The following CMSS1 variants were observed in gnomAD, a reference collection of about 807,000 sequenced individuals.
The protein encoded by CMSS1 is protein CMSS1.
In CMSS1, 33 loss-of-function variants were observed where a neutral mutation model predicts 43.5. That is an observed-to-expected ratio of 0.76 (90% confidence interval 0.57 to 1.01). CMSS1 has a LOEUF of 1.01. CMSS1 is among the 50% of genes least tolerant of loss of function. The pLI, the probability that CMSS1 is intolerant of heterozygous loss-of-function variation, is 0.00. For synonymous variants in CMSS1, 115 were observed against 117.2 expected (o/e 0.98, Z 0.12); for missense variants, 313 against 326.4 (o/e 0.96, Z 0.32).
chr3:100,099,323 G>A (rs926292601), intron 1 of CMSS1, among the ~76,000 whole-genome samples: 2 of 152,064 alleles, frequency 1.3e-5, no homozygotes, highest in African/African-American at 4.8e-5. Flanking sequence ...ACCCTTTAAA[G>A]CACAGAGATG....
intron 1 of CMSS1, among the ~76,000 whole-genome samples, chr3:99,948,702 AAGGG>A (rs1451761386): frequency 3.3e-5 from 5 of 150,044 alleles, no homozygotes; most frequent in African/African-American, 1.2e-4. Flanking sequence ...AGGAGAGAGA[AAGGG>A]AGAGGAAGGG....
At chr3:100,121,597 A>T (rs1008524550) in intron 1 of CMSS1, among the ~76,000 whole-genome samples, 2 of 152,128 alleles carry the variant, frequency 1.3e-5, no homozygotes, top group African/African-American at 4.8e-5. Flanking sequence ...ATAAACATAC[A>T]TGTGTGTATG....
intron 1 of CMSS1, among the ~76,000 whole-genome samples, chr3:99,981,596 G>C (rs906525206): frequency 5.9e-5 from 9 of 152,126 alleles, no homozygotes; most frequent in Non-Finnish European, 1.2e-4. Flanking sequence ...ATTTAATGCA[G>C]ATTTAATGTA....
intron 1 of CMSS1, among the ~76,000 whole-genome samples, chr3:100,043,276 A>T (rs1276659233): frequency 6.6e-6 from 1 of 152,206 alleles, no homozygotes; most frequent in Non-Finnish European, 1.5e-5. Context: ...TATGCAGAAA[A>T]TCATGTCCAG....
At chr3:99,961,191 T>C (rs1336162819) in intron 1 of CMSS1, among the ~76,000 whole-genome samples, 1 of 152,186 alleles carries the variant, frequency 6.6e-6, no homozygotes, top group Non-Finnish European at 1.5e-5. Context: ...TCTTCCAGGA[T>C]GAGGGAGGTG....
At chr3:99,967,332 C>A (rs551374007) in intron 1 of CMSS1, among the ~76,000 whole-genome samples, 218 of 152,292 alleles carry the variant, frequency 1.4e-3, no homozygotes, top group Middle Eastern at 3.4e-3. Context: ...TACATCATTC[C>A]TTTCACAGAG....
At chr3:100,155,104 C>T (rs954117734) in intron 2 of CMSS1, among the ~76,000 whole-genome samples, 2 of 152,164 alleles carry the variant, frequency 1.3e-5, no homozygotes, top group African/African-American at 4.8e-5. Flanking sequence ...CTTGACTTAT[C>T]GATTTCTGAC....
chr3:99,825,110 G>A (rs527559013), intron 1 of CMSS1, among the ~76,000 whole-genome samples: 33 of 152,270 alleles, frequency 2.2e-4, no homozygotes, highest in African/African-American at 7.7e-4. Context: ...TGTAGATGTT[G>A]TAAGGCATTG....
intron 1 of CMSS1, among the ~76,000 whole-genome samples, chr3:100,134,567 T>C (rs1027870766): frequency 2.0e-5 from 3 of 152,044 alleles, no homozygotes; most frequent in African/African-American, 7.2e-5. Context: ...ACAGATAATA[T>C]TAATAAACCA....
chr3:100,148,774 T>A (rs1318966660), intron 2 of CMSS1, among the ~76,000 whole-genome samples: 1 of 152,132 alleles, frequency 6.6e-6, no homozygotes, highest in Non-Finnish European at 1.5e-5. Flanking sequence ...CTTTTTTATT[T>A]TGTCCATTAT....
chr3:99,996,407 T>C (rs1356121096), intron 1 of CMSS1, among the ~76,000 whole-genome samples: 1 of 152,142 alleles, frequency 6.6e-6, no homozygotes, highest in East Asian at 1.9e-4. Context: ...CTCTAGGAAG[T>C]TCCAACTTTC....
intron 1 of CMSS1, among the ~76,000 whole-genome samples, chr3:99,875,765 G>T (rs942298537): frequency 3.3e-5 from 5 of 152,132 alleles, no homozygotes; most frequent in African/African-American, 1.2e-4. Flanking sequence ...TTTCCCCAAA[G>T]ATTTCTCAAT....
chr3:100,001,017 A>C (rs149166784), intron 1 of CMSS1, among the ~76,000 whole-genome samples: 1 of 152,176 alleles, frequency 6.6e-6, no homozygotes, highest in Non-Finnish European at 1.5e-5. Flanking sequence ...AAACTGTTCA[A>C]TTCCCTTTGA....
chr3:100,069,897 T>C (rs2065732193), intron 1 of CMSS1, among the ~76,000 whole-genome samples: 1 of 152,206 alleles, frequency 6.6e-6, no homozygotes, highest in Non-Finnish European at 1.5e-5. Context: ...CCAGTTCATT[T>C]TGTTGGAAAC....
At chr3:100,135,437 CATGT>C (rs1455133333) in intron 1 of CMSS1, among the ~76,000 whole-genome samples, 682 of 60,172 alleles carry the variant, frequency 0.011, 3 homozygotes, top group South Asian at 0.015. Flanking sequence ...TGTGTGTGTG[CATGT>C]GTGTGTGTGT....
rs146309101 is a variant in CMSS1, at chr3:99,919,017, A to C, written c.64+100974A>C. ...CTACAACAATAGTTTAGTGTGTATG[A>C]AATTTAAAACTGCTGGCTTTCAAAA... On this transcript the variant is annotated intron_variant, in intron 1 of 9. Coordinates refer to ENST00000421999, the MANE Select transcript of CMSS1 (RefSeq NM_032359.4). Among the ~76,000 whole-genome samples the C allele has an allele frequency of 2.4e-3, 369 of 152,322 alleles. 6 individuals carry two copies. The highest frequency in any genetic ancestry group is 8.0e-3 in the African/African-American group (333 of 41,574).
intron 1 of CMSS1, among the ~76,000 whole-genome samples, chr3:100,138,194 A>G (rs2066771996): frequency 6.6e-6 from 1 of 152,250 alleles, no homozygotes; most frequent in Non-Finnish European, 1.5e-5. Context: ...AATTAACTCA[A>G]GATAGATTAA....
At chr3:100,153,898 T>G (rs1403790464) in intron 2 of CMSS1, among the ~76,000 whole-genome samples, 1 of 151,936 alleles carries the variant, frequency 6.6e-6, no homozygotes, top group Non-Finnish European at 1.5e-5. Flanking sequence ...TCGCCCAGGC[T>G]GGAGTGCAAT....
At chr3:100,049,293 A>C (rs1363507514) in intron 1 of CMSS1, among the ~76,000 whole-genome samples, 1 of 152,208 alleles carries the variant, frequency 6.6e-6, no homozygotes, top group Non-Finnish European at 1.5e-5. Flanking sequence ...ATACTCAACA[A>C]AGATTAGAGG....
Sources: allele counts gnomAD v4.1 joint callset (sites outside exome capture counted in the v4.1 genomes callset), GRCh38; gene constraint gnomAD v4.1.1; transcripts MANE v1.5; gene names NCBI Gene and HGNC (gene_info 2026-07-23, HGNC 2026-07-21).